Variants in RAB38 observed in about 807,000 individuals in gnomAD.
The protein encoded by RAB38 is RAB38, member RAS oncogene family.
RAB38 carries 15 observed loss-of-function variants against 18.4 expected under a neutral mutation model. The observed-to-expected ratio is 0.82, with a 90% CI of 0.55 to 1.26. The LOEUF is 1.26. Ranked by LOEUF, RAB38 falls within the 50% of genes most tolerant of loss-of-function variation. The probability of loss-of-function intolerance (pLI) is 0.00; values close to 1 mark genes in which losing one functional copy is unlikely to be tolerated. For missense variants in RAB38, 294 were observed against 267.4 expected (o/e 1.10, Z -0.69); for synonymous variants, 101 against 104.4 (o/e 0.97, Z 0.20).
the RAB38 span, among the ~76,000 whole-genome samples, chr11:87,910,349 A>G: frequency 6.6e-6 from 1 of 152,022 alleles, no homozygotes; most frequent in African/African-American, 2.4e-5. Context: ...AGATTTCTTT[A>G]TATATTCTTG....
At chr11:88,068,916 A>G in the RAB38 span, among the ~76,000 whole-genome samples, 2 of 152,280 alleles carry the variant, frequency 1.3e-5, no homozygotes, top group Non-Finnish European at 2.9e-5. Flanking sequence ...GCTTGCTCTC[A>G]GCACCTCCTC....
At chr11:87,825,673 C>T in the RAB38 span, among the ~76,000 whole-genome samples, 1 of 152,084 alleles carries the variant, frequency 6.6e-6, no homozygotes, top group African/African-American at 2.4e-5. Flanking sequence ...GTGAACACAA[C>T]TCAGTCTATA....
At chr11:88,025,496 C>T in the RAB38 span, among the ~76,000 whole-genome samples, 1 of 152,154 alleles carries the variant, frequency 6.6e-6, no homozygotes, top group Non-Finnish European at 1.5e-5. Flanking sequence ...ATATTTTCAC[C>T]AACAGTGTAT....
chr11:87,969,721 T>C, the RAB38 span, among the ~76,000 whole-genome samples: 1 of 152,158 alleles, frequency 6.6e-6, no homozygotes, highest in African/African-American at 2.4e-5. Flanking sequence ...TTCTAACACA[T>C]ATCTTACTTT....
At chr11:88,032,446 C>A in the RAB38 span, among the ~76,000 whole-genome samples, 1 of 152,122 alleles carries the variant, frequency 6.6e-6, no homozygotes, top group South Asian at 2.1e-4. Flanking sequence ...AACAGGCAAC[C>A]TACAAAATGG....
the RAB38 span, among the ~76,000 whole-genome samples, chr11:87,886,772 T>C: frequency 1.3e-5 from 2 of 151,142 alleles, no homozygotes; most frequent in Non-Finnish European, 2.9e-5. Context: ...TCCAAGTTGA[T>C]ACCACTTGAT....
the RAB38 span, among the ~76,000 whole-genome samples, chr11:88,032,530 G>GA: frequency 1.3e-5 from 2 of 151,910 alleles, no homozygotes; most frequent in African/African-American, 2.4e-5. Flanking sequence ...AAATTTACAA[G>GA]AAAAAAACAA....
the RAB38 span, among the ~76,000 whole-genome samples, chr11:88,052,749 T>C: frequency 2.6e-5 from 4 of 151,300 alleles, no homozygotes; most frequent in South Asian, 8.3e-4. Context: ...TAGAAGAAAT[T>C]GAGGCCACCT....
chr11:87,937,870 G>GTTTTTTTTTTTTTT, the RAB38 span, among the ~76,000 whole-genome samples: 6 of 92,020 alleles, frequency 6.5e-5, no homozygotes, highest in Non-Finnish European at 4.7e-5. Flanking sequence ...TCATTGAAGT[G>GTTTTTTTTTTTTTT]TTTTTTTTTT....
the RAB38 span, among the ~76,000 whole-genome samples, chr11:88,023,176 TGTTA>T: frequency 1.3e-5 from 2 of 151,782 alleles, no homozygotes; most frequent in African/African-American, 2.4e-5. Flanking sequence ...GAGAGAAAAA[TGTTA>T]GTTAATATTT....
chr11:88,088,975 C>A, the RAB38 span, among the ~76,000 whole-genome samples: 9 of 151,192 alleles, frequency 6.0e-5, no homozygotes, highest in African/African-American at 1.9e-4. Context: ...AGGATAGACA[C>A]ATCATCATAA....
the RAB38 span, among the ~76,000 whole-genome samples, chr11:87,919,431 T>C: frequency 6.6e-6 from 1 of 152,030 alleles, no homozygotes; most frequent in African/African-American, 2.4e-5. Flanking sequence ...AAACTGTTCT[T>C]GAATTCCAGG....
chr11:88,022,761 G>A, the RAB38 span, among the ~76,000 whole-genome samples: 5,068 of 152,054 alleles, frequency 0.033, 223 homozygotes, highest in South Asian at 0.075. Context: ...CATGGTGTAT[G>A]TGTACCACAT....
At chr11:88,099,771 T>C in the RAB38 span, among the ~76,000 whole-genome samples, 4 of 151,836 alleles carry the variant, frequency 2.6e-5, no homozygotes, top group African/African-American at 4.8e-5. Flanking sequence ...TATATGATTG[T>C]TACAGAGCAC....
intron 2 of RAB38, among the ~76,000 whole-genome samples, chr11:88,149,163 T>C (rs1472303955): frequency 6.6e-6 from 1 of 152,122 alleles, no homozygotes. Flanking sequence ...TTCTTCACAT[T>C]TGTGCTTGCT....
chr11:88,015,450 T>C, the RAB38 span, among the ~76,000 whole-genome samples: 1 of 152,276 alleles, frequency 6.6e-6, no homozygotes, highest in Non-Finnish European at 1.5e-5. Context: ...TATGGTTTGC[T>C]ATAAGGATTG....
the RAB38 span, among the ~76,000 whole-genome samples, chr11:87,916,942 AGTGGATT>A: frequency 6.6e-6 from 1 of 152,134 alleles, no homozygotes; most frequent in Non-Finnish European, 1.5e-5. Context: ...TGATTTTTTT[AGTGGATT>A]ACTTACAAAT....
chr11:87,891,272 G>A, the RAB38 span, among the ~76,000 whole-genome samples: 76 of 151,612 alleles, frequency 5.0e-4, 3 homozygotes, highest in South Asian at 0.015. Flanking sequence ...TAAAGAATGT[G>A]ACAAAAAAGG....
the RAB38 span, among the ~76,000 whole-genome samples, chr11:88,033,230 C>G: frequency 0.89 from 134,909 of 151,082 alleles, 60,525 homozygotes; most frequent in African/African-American, 0.97. Flanking sequence ...ACTGTTGTGG[C>G]GTGGGAGGAG....
Sources: allele counts gnomAD v4.1 joint callset (sites outside exome capture counted in the v4.1 genomes callset), GRCh38; gene constraint gnomAD v4.1.1; transcripts MANE v1.5; gene names NCBI Gene and HGNC (gene_info 2026-07-23, HGNC 2026-07-21).